WDFY4: variants seen among roughly 807,000 people sequenced by gnomAD.
WDFY4 encodes the protein WDFY family member 4.
A neutral mutation model predicts 351.9 loss-of-function variants in WDFY4; 169 were observed. The observed-to-expected ratio is 0.48, with a 90% CI of 0.42 to 0.55. The LOEUF (loss-of-function observed/expected upper bound fraction) is 0.55, where lower values mean the gene tolerates loss of function less well. Among genes scored for constraint, WDFY4 ranks in the 20% least tolerant of loss-of-function variants. The pLI is 0.00. For missense variants in WDFY4, 3,803 were observed against 3,935.6 expected, an observed-to-expected ratio of 0.97 and a Z score of 0.90; for synonymous variants, 1,622 against 1,574.6, an observed-to-expected ratio of 1.03 and a Z score of -0.71.
chr10:48,945,566 G>T (rs901912578), intron 49 of WDFY4, among the ~76,000 whole-genome samples: 1 of 152,196 alleles, frequency 6.6e-6, no homozygotes, highest in African/African-American at 2.4e-5. Flanking sequence ...CTCACAGCAT[G>T]CTTTCACTGC....
chr10:48,924,852 C>T lies in WDFY4; in HGVS notation c.7587-16954C>T, dbSNP rs373632870. ...TAGAATTTGTCTGGTGCTTCACACT[C>T]ATGTATCTTTGACTACAATTTTAAG... On this transcript the variant is annotated intron_variant, in intron 47 of 61. Transcript: ENST00000325239. Among the ~76,000 whole-genome samples the T allele has an allele frequency of 3.9e-5, 6 of 152,356 alleles. No homozygotes were observed. In the South Asian group the frequency reaches 1.2e-3, roughly 32 times the overall value.
chr10:48,734,020 T>C lies in WDFY4; in HGVS notation c.1672T>C (p.Ser558Pro). 6.4e-7 allele frequency: 1 copy of C among 1,552,066 alleles called. No individual in the cohort carries two copies. The highest frequency in any genetic ancestry group is 1.2e-5 in the South Asian group (1 of 84,064). ...LRIVVTLLKG[S>P]VRNAVVLKDH... is the part of the protein sequence containing the mutation. ...GATTGTAGTCACACTTCTGAAAGGC[T>C]CGGTGAGGAATGCAGGTAAGGATGG... The change falls in exon 10 of 62, where the codon TCG (serine) becomes CCG (proline). Residue 558 changes from serine to proline, a missense_variant. Coordinates refer to ENST00000325239, the MANE Select transcript of WDFY4 (RefSeq NM_001394531.1).
At position 48,743,342 on chromosome 10, in the gene WDFY4, C is replaced by G; in HGVS notation, c.2253C>G (p.Ser751=). The change falls in exon 12 of 62, where the codon TCC becomes TCG. Residue 751 remains serine (S), a synonymous_variant. Transcript: ENST00000325239. Reference sequence around the variant, plus strand: ...CAGATTTGCTGGGCACTGCCTTTTCCTCCAGCGGCTCACTCCCACCCCGGA... The same window carrying G: ...CAGATTTGCTGGGCACTGCCTTTTCGTCCAGCGGCTCACTCCCACCCCGGA... The part of the protein sequence containing the change: ...PFADLLGTAF[S]SSGSLPPRIQ... The G allele has an allele frequency of 6.4e-7, 1 of 1,551,646 alleles. No homozygotes were observed. Among genetic ancestry groups the G allele is most frequent in the Non-Finnish European group, 8.7e-7 (1 of 1,146,944 alleles).
chr10:48,928,034 G>A (rs2133651599), intron 47 of WDFY4, among the ~76,000 whole-genome samples: 1 of 152,296 alleles, frequency 6.6e-6, no homozygotes, highest in East Asian at 1.9e-4. Flanking sequence ...AGCTCATGAG[G>A]TGAGCAGTGA....
At chr10:48,708,233 C>T (rs2063683088) in intron 1 of WDFY4, among the ~76,000 whole-genome samples, 1 of 152,062 alleles carries the variant, frequency 6.6e-6, no homozygotes, top group Non-Finnish European at 1.5e-5. Context: ...CGAAGAGGAG[C>T]TGGGGGAAGG....
chr10:48,914,296 A>G lies in WDFY4; in HGVS notation c.7586+12433A>G, dbSNP rs542041946. 2.0e-4 allele frequency: 176 copies of G among 886,206 alleles called. No individual in the cohort carries two copies. In the African/African-American group the frequency reaches 2.8e-3, roughly 14 times the overall value. 54.9% of individuals were successfully genotyped at this position (886,206 alleles called of 1,614,324 possible). On this transcript the variant is annotated intron_variant, in intron 47 of 61. Transcript: ENST00000325239. ...AGAGGGCACTGGGCTCCCCCACGTC[A>G]TGACGCTTTGCTCTTCAGTGGTTTA...
At chr10:48,750,034 T>C (rs2065132397) in intron 12 of WDFY4, among the ~76,000 whole-genome samples, 2 of 152,224 alleles carry the variant, frequency 1.3e-5, no homozygotes, top group South Asian at 2.1e-4. Context: ...TAAGGTTTCA[T>C]GGGGCACTCT....
intron 39 of WDFY4, among the ~76,000 whole-genome samples, chr10:48,863,251 T>G (rs1484025994): frequency 6.6e-6 from 1 of 152,228 alleles, no homozygotes; most frequent in Non-Finnish European, 1.5e-5. Flanking sequence ...CTTTATTTAA[T>G]CATTTGAATA....
At chr10:48,970,315 G>C (rs1307676987) in intron 57 of WDFY4, 26 bp downstream of exon 57, 11 of 1,545,708 alleles carry the variant, frequency 7.1e-6, no homozygotes, top group Admixed American at 2.0e-5. Context: ...TGCAGGTGCG[G>C]TCCTCAGGTG....
chr10:48,942,397 C>T (rs199915053), intron 48 of WDFY4, among the ~76,000 whole-genome samples: 19 of 95,600 alleles, frequency 2.0e-4, no homozygotes, highest in South Asian at 3.6e-4. Flanking sequence ...TGTGTGTGCG[C>T]GCACGCGCAT....
Position 48,818,225 on chromosome 10 carries a change from T to C in WDFY4, c.5505+816T>C, listed in dbSNP as rs1475545569. ...CCGTGTCTTCCTGCAAGTTGCCAAC[T>C]GTAGCTAAAGGAGCATATTTGAAAG... is the stretch of plus-strand genomic sequence containing the variant. On this transcript the variant is annotated intron_variant, in intron 32 of 61. Transcript: ENST00000325239. 4.6e-5 allele frequency among the ~76,000 whole-genome samples: 7 copies of C among 152,218 alleles called. No homozygotes were observed. In the East Asian group the frequency reaches 1.3e-3, roughly 29 times the overall value.
At chr10:48,963,793 G>A (rs1564533517) in intron 53 of WDFY4, 49 bp from the exon 54 acceptor site, 2 of 1,528,254 alleles carry the variant, frequency 1.3e-6, no homozygotes, top group Non-Finnish European at 1.8e-6. Context: ...GCGAGTGCAT[G>A]AGTCCATGAG....
intron 1 of WDFY4, among the ~76,000 whole-genome samples, chr10:48,689,375 C>G (rs552327806): frequency 6.6e-6 from 1 of 152,202 alleles, no homozygotes; most frequent in African/African-American, 2.4e-5. Context: ...TGAAATGTAG[C>G]CGATGTGAAT....
At chr10:48,697,976 G>T (rs892471942) in intron 1 of WDFY4, among the ~76,000 whole-genome samples, 2 of 152,204 alleles carry the variant, frequency 1.3e-5, no homozygotes, top group East Asian at 1.9e-4. Flanking sequence ...CCACGGGTGC[G>T]CCTGTCCTCC....
At chr10:48,793,897 C>A (rs2066765748) in intron 23 of WDFY4, among the ~76,000 whole-genome samples, 1 of 152,180 alleles carries the variant, frequency 6.6e-6, no homozygotes, top group African/African-American at 2.4e-5. Flanking sequence ...TTCTGTCTAG[C>A]TGATTTATCA....
At chr10:48,848,468 G>A (rs749498516) in intron 39 of WDFY4, among the ~76,000 whole-genome samples, 1 of 152,224 alleles carries the variant, frequency 6.6e-6, no homozygotes, top group African/African-American at 2.4e-5. Context: ...AGGGGTGGGA[G>A]TAAGAGCAGG....
chr10:48,972,392 C>T (rs745716409), intron 57 of WDFY4, among the ~76,000 whole-genome samples: 5 of 152,284 alleles, frequency 3.3e-5, no homozygotes, highest in Non-Finnish European at 7.4e-5. Flanking sequence ...ATTTTGCATA[C>T]TCTTATCCCC....
At chr10:48,896,399 C>G (rs1837078705) in intron 44 of WDFY4, among the ~76,000 whole-genome samples, 1 of 152,180 alleles carries the variant, frequency 6.6e-6, no homozygotes, top group African/African-American at 2.4e-5. Context: ...GGCAGCTCAG[C>G]TGAGAGCCAG....
chr10:48,915,543 T>C (rs1393238545), intron 47 of WDFY4, among the ~76,000 whole-genome samples: 2 of 152,156 alleles, frequency 1.3e-5, no homozygotes, highest in Non-Finnish European at 2.9e-5. Context: ...CTGTACTTCA[T>C]CACCTGTACC....
Sources: allele counts gnomAD v4.1 joint callset (sites outside exome capture counted in the v4.1 genomes callset), GRCh38; gene constraint gnomAD v4.1.1; transcripts MANE v1.5; gene names NCBI Gene and HGNC (gene_info 2026-07-23, HGNC 2026-07-21).